The following TRMT11 variants were observed in gnomAD, a reference collection of about 807,000 sequenced individuals.
The protein encoded by TRMT11 is tRNA (guanine(10)-N(2))-methyltransferase TRMT11.
TRMT11 carries 53 observed loss-of-function variants against 62.8 expected under a neutral mutation model. That is an observed-to-expected ratio of 0.84 (90% confidence interval 0.68 to 1.06). The LOEUF is 1.06. Ranked by LOEUF, TRMT11 falls within the 50% of genes least tolerant of loss-of-function variation. The probability of loss-of-function intolerance (pLI) is 0.00; values close to 1 mark genes in which losing one functional copy is unlikely to be tolerated. For synonymous variants in TRMT11, 188 were observed against 190.3 expected, an observed-to-expected ratio of 0.99 and a Z score of 0.10; for missense variants, 556 against 553.4, an observed-to-expected ratio of 1.00 and a Z score of -0.05.
At chr6:126,209,272 C>T in the TRMT11 span, among the ~76,000 whole-genome samples, 8 of 152,260 alleles carry the variant, frequency 5.3e-5, no homozygotes, top group African/African-American at 1.7e-4. Context: ...TTAGTGTCAT[C>T]ATTAATAAAA....
At chr6:126,260,063 A>T in the TRMT11 span, among the ~76,000 whole-genome samples, 1 of 152,164 alleles carries the variant, frequency 6.6e-6, no homozygotes, top group African/African-American at 2.4e-5. Flanking sequence ...CATTTACATT[A>T]AAGATTATTG....
intron 1 of TRMT11, among the ~76,000 whole-genome samples, chr6:126,194,078 T>G (rs1778636835): frequency 6.6e-6 from 1 of 152,178 alleles, no homozygotes; most frequent in East Asian, 1.9e-4. Flanking sequence ...ACTTGCTTTT[T>G]GACCTAATAT....
the TRMT11 span, among the ~76,000 whole-genome samples, chr6:126,266,928 C>T: frequency 2.0e-5 from 3 of 152,084 alleles, no homozygotes; most frequent in Non-Finnish European, 4.4e-5. Flanking sequence ...CCTCCTTAAC[C>T]TGTAAAGATA....
chr6:126,247,475 A>ATCTATCTATCTATCTATCTATCTG, the TRMT11 span, among the ~76,000 whole-genome samples: 13 of 147,614 alleles, frequency 8.8e-5, no homozygotes, highest in Admixed American at 4.1e-4. Context: ...CTATCTATCT[A>ATCTATCTATCTATCTATCTATCTG]TCTATCTATC....
the TRMT11 span, among the ~76,000 whole-genome samples, chr6:126,225,247 T>G: frequency 1.3e-5 from 2 of 152,152 alleles, no homozygotes; most frequent in Non-Finnish European, 2.9e-5. Flanking sequence ...CAAGCAGCTC[T>G]CCCTATCAGC....
intron 17 of TRMT11, among the ~76,000 whole-genome samples, chr6:126,093,630 TA>T (rs1777306302): frequency 9.3e-6 from 1 of 107,978 alleles, no homozygotes; most frequent in Non-Finnish European, 1.8e-5. Context: ...TATATATATA[TA>T]TTTTCCCCCA....
intron 17 of TRMT11, among the ~76,000 whole-genome samples, chr6:126,108,126 C>G (rs1344540097): frequency 2.0e-5 from 3 of 152,156 alleles, no homozygotes; most frequent in Non-Finnish European, 4.4e-5. Flanking sequence ...AGGCAAAGAA[C>G]TGTTTTTAGG....
the TRMT11 span, among the ~76,000 whole-genome samples, chr6:126,214,065 G>C: frequency 6.6e-6 from 1 of 151,876 alleles, no homozygotes; most frequent in African/African-American, 2.4e-5. Flanking sequence ...CATGTTCAAC[G>C]ATCTTTGCAT....
intron 16 of TRMT11, among the ~76,000 whole-genome samples, chr6:126,045,956 C>T (rs964633957): frequency 2.0e-5 from 3 of 151,996 alleles, no homozygotes; most frequent in African/African-American, 7.3e-5. Flanking sequence ...ATTGGCATCT[C>T]AGGGATATAT....
upstream of TRMT11, among the ~76,000 whole-genome samples, chr6:126,176,643 A>C (rs772415086): frequency 1.3e-5 from 2 of 152,236 alleles, no homozygotes; most frequent in Non-Finnish European, 2.9e-5. Context: ...AGGGGAATAA[A>C]ATAGATTTAC....
intron 1 of TRMT11, among the ~76,000 whole-genome samples, chr6:126,182,365 TTTC>T (rs984299257): frequency 6.6e-6 from 1 of 151,744 alleles, no homozygotes; most frequent in African/African-American, 2.4e-5. Flanking sequence ...TTGGGTAGCA[TTTC>T]TTCTTTTTTT....
At chr6:126,232,408 A>G in the TRMT11 span, among the ~76,000 whole-genome samples, 4 of 151,076 alleles carry the variant, frequency 2.6e-5, no homozygotes, top group Admixed American at 2.6e-4. Context: ...AGAACAGTAG[A>G]AAACTTTTTT....
At chr6:126,265,704 A>G in the TRMT11 span, among the ~76,000 whole-genome samples, 1 of 152,296 alleles carries the variant, frequency 6.6e-6, no homozygotes, top group East Asian at 1.9e-4. Context: ...AAAATGGACC[A>G]GGCTTCCAAT....
rs111907468 is a variant in TRMT11, at chr6:126,090,164, T to C, written c.*1438-22702T>C. Among the ~76,000 whole-genome samples the C allele has an allele frequency of 7.2e-3, 1,099 of 152,336 alleles. 4 individuals carry two copies. The highest frequency in any genetic ancestry group is 0.024 in the African/African-American group (1,018 of 41,578). On this transcript the variant is annotated intron_variant and NMD_transcript_variant, in intron 17 of 22. Transcript: ENST00000648977. ...CTTTTCTTTGCACCCCTATCTCAGTTTGTACCTTATCACTTGCTCTTTTAC... is the reference window on the plus strand; with the variant it reads ...CTTTTCTTTGCACCCCTATCTCAGTCTGTACCTTATCACTTGCTCTTTTAC...
chr6:126,251,318 C>T, the TRMT11 span, among the ~76,000 whole-genome samples: 22 of 151,908 alleles, frequency 1.4e-4, no homozygotes, highest in South Asian at 4.4e-3. Context: ...TGTGAGCCAC[C>T]GCACCCGGCC....
intron 17 of TRMT11, among the ~76,000 whole-genome samples, chr6:126,078,339 A>G (rs914769424): frequency 1.1e-4 from 17 of 151,892 alleles, no homozygotes; most frequent in Non-Finnish European, 2.2e-4. Flanking sequence ...TTAGTCATTT[A>G]TCATCCTTAA....
intron 12 of TRMT11, among the ~76,000 whole-genome samples, chr6:126,035,636 A>T (rs1428017249): frequency 2.6e-5 from 4 of 152,144 alleles, no homozygotes; most frequent in African/African-American, 9.7e-5. Flanking sequence ...AGCACTGAAT[A>T]GAACACATGG....
intron 17 of TRMT11, among the ~76,000 whole-genome samples, chr6:126,097,892 G>A (rs1210379145): frequency 2.0e-5 from 3 of 152,110 alleles, no homozygotes; most frequent in Non-Finnish European, 2.9e-5. Context: ...TTCTTTTAAA[G>A]AAACATCTCC....
At chr6:125,986,910 G>T in intron 1 of TRMT11, 1 of 443,238 alleles carries the variant, frequency 2.3e-6, no homozygotes, top group Non-Finnish European at 4.0e-6. Context: ...CACTCCCGGA[G>T]CTCTTCGTCT....
Sources: gnomAD v4.1 joint callset for allele counts (sites outside exome capture counted in the v4.1 genomes callset) on GRCh38, gnomAD v4.1.1 for gene constraint, MANE v1.5 for transcripts, NCBI Gene and HGNC (gene_info 2026-07-23, HGNC 2026-07-21) for gene names.